RTN4IP1: variants seen among roughly 807,000 people sequenced by gnomAD.
RTN4IP1 encodes the protein reticulon 4 interacting protein 1.
In RTN4IP1, 32 loss-of-function variants were observed where a neutral mutation model predicts 46.6. The observed-to-expected ratio is 0.69, with a 90% CI of 0.52 to 0.92. The LOEUF (loss-of-function observed/expected upper bound fraction) is 0.92. Ranked by LOEUF, RTN4IP1 falls within the 40% of genes least tolerant of loss-of-function variation. The probability of loss-of-function intolerance (pLI) is 0.00; values close to 1 mark genes in which losing one functional copy is unlikely to be tolerated. For synonymous variants in RTN4IP1, 167 were observed against 161.8 expected, an observed-to-expected ratio of 1.03 and a Z score of -0.24; for missense variants, 424 against 485.8, an observed-to-expected ratio of 0.87 and a Z score of 1.20.
chr6:106,584,076 G>A (rs530581053), intron 7 of RTN4IP1, among the ~76,000 whole-genome samples: 2 of 152,280 alleles, frequency 1.3e-5, no homozygotes, highest in African/African-American at 4.8e-5. Flanking sequence ...GAGGGTTCAT[G>A]ACCACTCTAC....
chr6:106,581,813 G>C (rs1775378297), intron 8 of RTN4IP1, among the ~76,000 whole-genome samples: 1 of 152,154 alleles, frequency 6.6e-6, no homozygotes, highest in Non-Finnish European at 1.5e-5. Flanking sequence ...ACAATATTTT[G>C]AATACAAAAG....
chr6:106,615,414 A>C (rs538252830), intron 4 of RTN4IP1, among the ~76,000 whole-genome samples: 2 of 152,152 alleles, frequency 1.3e-5, no homozygotes, highest in African/African-American at 2.4e-5. Flanking sequence ...ATATCAAAAA[A>C]AAAGTATTCC....
At chr6:106,589,117 G>GGAAGAA (rs1554195427) in intron 6 of RTN4IP1, among the ~76,000 whole-genome samples, 2 of 112,506 alleles carry the variant, frequency 1.8e-5, no homozygotes, top group East Asian at 5.4e-4. Flanking sequence ...AAGAAGAAGA[G>GGAAGAA]GAAGAAGAGG....
At position 106,622,819 on chromosome 6, in the gene RTN4IP1, T is replaced by A; in HGVS notation, c.425A>T (p.Glu142Val). 6.2e-7 allele frequency: 1 copy of A among 1,612,480 alleles called. No individual in the cohort carries two copies. The highest frequency in any genetic ancestry group is 8.5e-7 in the Non-Finnish European group (1 of 1,179,096). Residue 142 changes from glutamate to valine, a missense_variant and splice_region_variant, in exon 2 of 9, where the codon GAG becomes GTG. By Grantham distance (121) the Glu-to-Val change is moderately radical (BLOSUM62 -2). Coordinates refer to ENST00000369063, the MANE Select transcript of RTN4IP1 (RefSeq NM_032730.5). ...GAATAGTGGCATTCCCTAACTCACC[T>A]CATCTCCAGGCTTGAAGTATTTCAC... ...LDVKYFKPGDEVWAAVPPWKQ... is the reference protein window; with the variant it reads ...LDVKYFKPGDVVWAAVPPWKQ...
intron 8 of RTN4IP1, among the ~76,000 whole-genome samples, chr6:106,581,127 T>C (rs1775361548): frequency 6.6e-6 from 1 of 152,192 alleles, no homozygotes; most frequent in Non-Finnish European, 1.5e-5. Context: ...TGGTTGCATC[T>C]GACAAGCAGA....
chr6:106,619,266 G>A lies in RTN4IP1; in HGVS notation c.556C>T (p.Leu186Phe). Residue 186 changes from leucine to phenylalanine, a missense_variant, in exon 4 of 9, where the codon CTC (leucine) becomes TTC (phenylalanine). Physicochemically the swap from Leu to Phe is conservative, Grantham distance 22 (BLOSUM62 0). Coordinates refer to ENST00000369063, the MANE Select transcript of RTN4IP1 (RefSeq NM_032730.5). ...TTGTTTATAGCAGACCAGGCTGTGA[G>A]AGCCACATATGGCAAAGAGGCAGCT... ...TQAASLPYVA[L>F]TAWSAINKVG... is the part of the protein sequence containing the mutation. The A allele has an allele frequency of 1.9e-6, 3 of 1,614,212 alleles. No individual in the cohort carries two copies. Among genetic ancestry groups the A allele is most frequent in the African/African-American group, 1.3e-5 (1 of 75,062 alleles).
chr6:106,615,118 C>T (rs1776316772), intron 4 of RTN4IP1, among the ~76,000 whole-genome samples: 1 of 152,100 alleles, frequency 6.6e-6, no homozygotes, highest in Non-Finnish European at 1.5e-5. Flanking sequence ...TTCTACTTCC[C>T]CTTACCCCCC....
intron 4 of RTN4IP1, among the ~76,000 whole-genome samples, chr6:106,605,201 C>G (rs566496429): frequency 1.3e-5 from 2 of 152,018 alleles, no homozygotes; most frequent in African/African-American, 4.8e-5. Flanking sequence ...ATTGGGAAGC[C>G]GAGGCAGGCA....
intron 3 of RTN4IP1, among the ~76,000 whole-genome samples, chr6:106,619,779 T>A (rs1582389317): frequency 7.6e-6 from 1 of 131,104 alleles, no homozygotes; most frequent in Non-Finnish European, 1.5e-5. Context: ...GCCCAGCTAA[T>A]TTTTTGTATT....
At chr6:106,599,393 C>T (rs1402625115) in intron 5 of RTN4IP1, among the ~76,000 whole-genome samples, 1 of 151,618 alleles carries the variant, frequency 6.6e-6, no homozygotes, top group South Asian at 2.1e-4. Flanking sequence ...CCAATTAAAA[C>T]CTCCTCAACT....
At chr6:106,623,846 A>C (rs997651989) in intron 1 of RTN4IP1, among the ~76,000 whole-genome samples, 30 of 152,210 alleles carry the variant, frequency 2.0e-4, no homozygotes, top group Non-Finnish European at 7.3e-5. Context: ...GGTGAAGACA[A>C]ATGTTTAAGC....
intron 2 of RTN4IP1, among the ~76,000 whole-genome samples, chr6:106,622,424 T>G (rs1397436571): frequency 1.3e-5 from 2 of 152,228 alleles, no homozygotes; most frequent in African/African-American, 4.8e-5. Flanking sequence ...GAAAGCAGCC[T>G]AATTCTCTTT....
chr6:106,600,276 C>T (rs1775909608), intron 5 of RTN4IP1, among the ~76,000 whole-genome samples: 2 of 151,914 alleles, frequency 1.3e-5, no homozygotes, highest in African/African-American at 4.8e-5. Context: ...CTCCCCTCAT[C>T]CTGAGAGAGT....
At chr6:106,617,166 A>T (rs1318022169) in intron 4 of RTN4IP1, among the ~76,000 whole-genome samples, 1 of 152,222 alleles carries the variant, frequency 6.6e-6, no homozygotes, top group Admixed American at 6.5e-5. Context: ...ACTGTGAGAA[A>T]TAAATTTCTC....
intron 8 of RTN4IP1, among the ~76,000 whole-genome samples, chr6:106,576,205 C>T (rs1775221791): frequency 6.6e-6 from 1 of 152,142 alleles, no homozygotes; most frequent in Admixed American, 6.5e-5. Flanking sequence ...CGGAAACTTC[C>T]TGCCCCAGAT....
intron 5 of RTN4IP1, among the ~76,000 whole-genome samples, chr6:106,601,417 T>C (rs1469334119): frequency 6.6e-6 from 1 of 152,160 alleles, no homozygotes; most frequent in Non-Finnish European, 1.5e-5. Context: ...TTTTTTAATT[T>C]TGATGAATTT....
At chr6:106,572,602 T>G (rs1470958079) in intron 8 of RTN4IP1, among the ~76,000 whole-genome samples, 1 of 152,156 alleles carries the variant, frequency 6.6e-6, no homozygotes, top group African/African-American at 2.4e-5. Context: ...CAACGTGTTG[T>G]CCCTTTCAAC....
chr6:106,626,548 C>T (rs1776650710), intron 1 of RTN4IP1, among the ~76,000 whole-genome samples: 1 of 152,214 alleles, frequency 6.6e-6, no homozygotes, highest in Non-Finnish European at 1.5e-5. Flanking sequence ...TTTCAGTCCT[C>T]TTTGAGATAC....
intron 1 of RTN4IP1, among the ~76,000 whole-genome samples, chr6:106,625,797 G>A (rs1776622679): frequency 6.6e-6 from 1 of 151,160 alleles, no homozygotes; most frequent in East Asian, 1.9e-4. Context: ...CTGAGTAGCT[G>A]GGATTACAGG....
Sources: gnomAD v4.1 joint callset for allele counts (sites outside exome capture counted in the v4.1 genomes callset) on GRCh38, gnomAD v4.1.1 for gene constraint, MANE v1.5 for transcripts, NCBI Gene and HGNC (gene_info 2026-07-23, HGNC 2026-07-21) for gene names.